Variants in KCNG2 observed in about 807,000 individuals in gnomAD.
KCNG2 encodes voltage-gated potassium channel regulatory subunit KCNG2.
In KCNG2, 7 loss-of-function variants were observed where a neutral mutation model predicts 12.3. The ratio of observed to expected loss-of-function variants is 0.57; its 90% CI spans 0.32 to 1.07. The LOEUF (loss-of-function observed/expected upper bound fraction) is 1.07. Among genes scored for constraint, KCNG2 ranks in the 50% least tolerant of loss-of-function variants. The probability of loss-of-function intolerance (pLI) is 0.04; values close to 1 mark genes in which losing one functional copy is unlikely to be tolerated. For missense variants in KCNG2, 703 were observed against 726.0 expected, an observed-to-expected ratio of 0.97 and a Z score of 0.36; for synonymous variants, 414 against 351.4, an observed-to-expected ratio of 1.18 and a Z score of -1.99.
intron 1 of KCNG2, among the ~76,000 whole-genome samples, chr18:79,830,760 G>A: frequency 6.7e-6 from 1 of 148,870 alleles, no homozygotes; most frequent in Non-Finnish European, 1.5e-5. Flanking sequence ...CCTGCGGACA[G>A]AGCCTTCGTC....
chr18:79,820,877 G>T (rs1381987861), intron 1 of KCNG2, among the ~76,000 whole-genome samples: 1 of 152,078 alleles, frequency 6.6e-6, no homozygotes, highest in African/African-American at 2.4e-5. Flanking sequence ...CAAACTCTTG[G>T]ACTCAAGTGA....
chr18:79,849,728 C>T (rs1027648894), intron 1 of KCNG2, among the ~76,000 whole-genome samples: 13 of 152,254 alleles, frequency 8.5e-5, no homozygotes, highest in Admixed American at 2.0e-4. Context: ...CTTGTTCTTG[C>T]GTGGCTGGGG....
chr18:79,800,135 C>T lies in KCNG2; in HGVS notation c.-115+2121C>T, dbSNP rs1306634016. On this transcript the variant is annotated intron_variant, in intron 1 of 3. Coordinates refer to ENST00000316249, the MANE Select transcript of KCNG2 (RefSeq NM_012283.2). This position sits in a 1 kb window ranked among gnomAD's most constrained non-coding sequence, Gnocchi z 4.0. ...CGTGGGAGGCGCGTCTCTCTGCAGC[C>T]CTGGCAGGCGTGGGGGCGGGAGTGA... 6.6e-6 allele frequency among the ~76,000 whole-genome samples: 1 copy of T among 151,924 alleles called. No individual in the cohort carries two copies. The highest frequency in any genetic ancestry group is 1.5e-5 in the Non-Finnish European group (1 of 67,976).
At chr18:79,860,320 T>G (rs1367758737) in intron 2 of KCNG2, among the ~76,000 whole-genome samples, 3 of 152,220 alleles carry the variant, frequency 2.0e-5, no homozygotes, top group Non-Finnish European at 4.4e-5. Context: ...AAAAAGTTAC[T>G]GGGATTTTCA....
At chr18:79,802,984 G>C (rs2087422818) in intron 1 of KCNG2, among the ~76,000 whole-genome samples, 1 of 152,174 alleles carries the variant, frequency 6.6e-6, no homozygotes, top group African/African-American at 2.4e-5. Flanking sequence ...TTTCAGACCA[G>C]CCTGGTCAAC....
Position 79,864,179 on chromosome 18 carries a change from A to G in KCNG2, c.512A>G (p.His171Arg). The G allele has an allele frequency of 1.3e-6, 2 of 1,518,390 alleles. No homozygotes were observed. Among genetic ancestry groups the G allele is most frequent in the Non-Finnish European group, 1.8e-6 (2 of 1,137,460 alleles). 94.1% of individuals were successfully genotyped at this position (1,518,390 alleles called of 1,614,324 possible). The change falls in exon 3 of 4, where the codon CAC becomes CGC. Residue 171 changes from histidine to arginine, a missense_variant. Physicochemically the swap from His to Arg is conservative, Grantham distance 29. Coordinates refer to ENST00000316249, the MANE Select transcript of KCNG2 (RefSeq NM_012283.2). ...RRLRDVVDNP[H>R]SGLAGKLFAC... is the part of the protein sequence containing the mutation. The stretch of plus-strand genomic sequence containing the variant: ...CTGCGCGACGTGGTGGACAACCCGC[A>G]CTCGGGGCTGGCGGGCAAGCTCTTC...
chr18:79,806,918 A>G (rs927000086), intron 1 of KCNG2, among the ~76,000 whole-genome samples: 15 of 152,184 alleles, frequency 9.9e-5, no homozygotes, highest in African/African-American at 3.6e-4. Flanking sequence ...CATACATGGA[A>G]TTTTCTTTCC....
chr18:79,880,033 T>G (rs1374436911), intron 3 of KCNG2, among the ~76,000 whole-genome samples: 1 of 152,194 alleles, frequency 6.6e-6, no homozygotes, highest in East Asian at 1.9e-4. Context: ...TGTTCACATT[T>G]TCTTAACACT....
chr18:79,799,507 A>G (rs568664063), intron 1 of KCNG2, among the ~76,000 whole-genome samples: 2 of 152,318 alleles, frequency 1.3e-5, no homozygotes, highest in South Asian at 4.1e-4. Context: ...TAGATGTCAC[A>G]TTCTCGGGAC....
intron 1 of KCNG2, among the ~76,000 whole-genome samples, chr18:79,833,844 C>T (rs1250514339): frequency 6.6e-6 from 1 of 152,196 alleles, no homozygotes; most frequent in African/African-American, 2.4e-5. Context: ...AAAGTGTGGC[C>T]AAACTCTGCT....
chr18:79,805,363 G>C (rs2087441163), intron 1 of KCNG2, among the ~76,000 whole-genome samples: 1 of 152,208 alleles, frequency 6.6e-6, no homozygotes, highest in South Asian at 2.1e-4. Flanking sequence ...CGTGGCAGGA[G>C]GTGTAAGAGG....
intron 1 of KCNG2, among the ~76,000 whole-genome samples, chr18:79,850,375 G>A (rs1244456415): frequency 6.6e-6 from 1 of 152,182 alleles, no homozygotes; most frequent in Non-Finnish European, 1.5e-5. Flanking sequence ...AAAGAGATTT[G>A]TAATTACTCT....
At chr18:79,872,280 G>GTTTTTTGTTTTTTTT (rs1979867524) in intron 3 of KCNG2, among the ~76,000 whole-genome samples, 3 of 73,410 alleles carry the variant, frequency 4.1e-5, no homozygotes, top group African/African-American at 1.6e-4. Context: ...CAAAGCTTCA[G>GTTTTTTGTTTTTTTT]TTTTTTTTTT....
intron 3 of KCNG2, among the ~76,000 whole-genome samples, chr18:79,873,256 T>C (rs1979923504): frequency 6.6e-6 from 1 of 152,188 alleles, no homozygotes. Context: ...CTTGGGAGAC[T>C]TCCCCTTTCT....
At chr18:79,834,058 A>G (rs1218922413) in intron 1 of KCNG2, among the ~76,000 whole-genome samples, 2 of 152,244 alleles carry the variant, frequency 1.3e-5, no homozygotes, top group Non-Finnish European at 2.9e-5. Flanking sequence ...GTGCAGTGGC[A>G]GAGGGCGGTG....
intron 1 of KCNG2, among the ~76,000 whole-genome samples, chr18:79,844,339 G>A (rs1226151115): frequency 1.3e-5 from 2 of 152,128 alleles, no homozygotes; most frequent in Admixed American, 1.3e-4. Flanking sequence ...TCACTCGTAT[G>A]TGGAATCTAA....
intron 3 of KCNG2, among the ~76,000 whole-genome samples, chr18:79,881,622 G>A (rs965355611): frequency 3.3e-5 from 5 of 152,128 alleles, no homozygotes; most frequent in Non-Finnish European, 5.9e-5. Context: ...TGAAATCAAC[G>A]AAGGCCTGCA....
chr18:79,823,512 G>A (rs971869353), intron 1 of KCNG2, among the ~76,000 whole-genome samples: 7 of 152,166 alleles, frequency 4.6e-5, no homozygotes, highest in Admixed American at 6.5e-5. Context: ...GTGAGAAATG[G>A]TATCTCAGTA....
chr18:79,891,520 C>G (rs1980744016), intron 3 of KCNG2, among the ~76,000 whole-genome samples: 2 of 152,164 alleles, frequency 1.3e-5, no homozygotes, highest in South Asian at 4.1e-4. Flanking sequence ...CATGAGCCAC[C>G]ACGCTGGCCC....
Sources: allele counts gnomAD v4.1 joint callset (sites outside exome capture counted in the v4.1 genomes callset), GRCh38; gene constraint gnomAD v4.1.1; non-coding constraint Gnocchi (gnomAD v3.1); transcripts MANE v1.5; gene names NCBI Gene and HGNC (gene_info 2026-07-23, HGNC 2026-07-21).